The following IL17RD variants were observed in gnomAD, a reference collection of about 807,000 sequenced individuals.
The protein encoded by IL17RD is interleukin 17 receptor D, also known as interleukin-17 receptor D.
In IL17RD, 52 loss-of-function variants were observed where a neutral mutation model predicts 80.5. That is an observed-to-expected ratio of 0.65 (90% CI 0.52 to 0.81). The LOEUF (loss-of-function observed/expected upper bound fraction) is 0.81, where lower values mean the gene tolerates loss of function less well. Among genes scored for constraint, IL17RD ranks in the 40% least tolerant of loss-of-function variants. IL17RD has a pLI of 0.00. For missense variants in IL17RD, 1,024 were observed against 955.1 expected (o/e 1.07, Z -0.95); for synonymous variants, 416 against 391.8 (o/e 1.06, Z -0.73).
chr3:57,165,916 T>A (rs61276053), upstream of IL17RD, among the ~76,000 whole-genome samples: 100,509 of 151,838 alleles, frequency 0.66, 33,624 homozygotes, highest in African/African-American at 0.75. Context: ...TATCCTAGTC[T>A]GGGGAGAGTT....
intron 5 of IL17RD, 92 bp from the exon 6 acceptor site, chr3:57,106,246 C>G: frequency 1.1e-6 from 1 of 888,040 alleles, no homozygotes; most frequent in Non-Finnish European, 1.8e-6. Flanking sequence ...AGATACTGTG[C>G]CGGGTGATGC....
At chr3:57,115,269 T>C (rs768349370) in intron 2 of IL17RD, among the ~76,000 whole-genome samples, 11 of 152,210 alleles carry the variant, frequency 7.2e-5, no homozygotes, top group Admixed American at 1.3e-4. Context: ...GGAAAGGAAC[T>C]AACACTCAGA....
In IL17RD at chr3:57,127,408, ATATAT is replaced by A. The variant is rs201203632; in HGVS notation, c.127-7100_127-7096del. Among the ~76,000 whole-genome samples, 38 of 87,204 alleles carry A rather than the reference ATATAT, an allele frequency of 4.4e-4. 2 individuals are homozygous for A. The highest frequency in any genetic ancestry group is 1.9e-3 in the East Asian group (3 of 1,558). The allele number at this position is 87,204 out of a possible 152,430, so 57.2% of individuals were successfully genotyped here. A position where few individuals can be genotyped will look rare whatever the true frequency, so the allele number is the denominator to read the frequency against. On this transcript the variant is annotated intron_variant, in intron 1 of 12. Transcript: ENST00000296318. ...AATAAATAAATAAATATATATATAT[ATATAT>A]TTTTTTTTTGAGATAAGAGTCTTGC... is the stretch of plus-strand genomic sequence containing the variant.
rs745910085 is a variant in IL17RD, at chr3:57,105,536, C to CAAAAAAAAAAAAAAAAAA, written c.747+320_747+321insTTTTTTTTTTTTTTTTTT. Among the ~76,000 whole-genome samples, 14 of 35,606 alleles carry CAAAAAAAAAAAAAAAAAA rather than the reference C, an allele frequency of 3.9e-4. 2 individuals carry two copies. The highest frequency in any genetic ancestry group is 4.7e-4 in the Non-Finnish European group (8 of 16,930). 23.4% of individuals were successfully genotyped at this position (35,606 alleles called of 152,430 possible). A position where few individuals can be genotyped will look rare whatever the true frequency, so the allele number is the denominator to read the frequency against. On this transcript the variant is annotated intron_variant, in intron 7 of 12. Transcript: ENST00000296318. ...TGGGCAACAGAGCAAGACTCCATCT[C>CAAAAAAAAAAAAAAAAAA]AAAAAAAAAAAAAAAAATATATATA... is the stretch of plus-strand genomic sequence containing the variant.
At chr3:57,124,688 T>A (rs1489484387) in intron 1 of IL17RD, among the ~76,000 whole-genome samples, 1 of 152,194 alleles carries the variant, frequency 6.6e-6, no homozygotes, top group South Asian at 2.1e-4. Context: ...AGAACTATAA[T>A]AAGACAATAA....
intron 10 of IL17RD, 25 bp downstream of exon 10, chr3:57,102,454 G>T: frequency 7.4e-7 from 1 of 1,358,338 alleles, no homozygotes; most frequent in Non-Finnish European, 1.0e-6. Context: ...CTTGTTGTGG[G>T]GAGACACAGC....
At chr3:57,158,710 G>A (rs2060284469) in intron 1 of IL17RD, among the ~76,000 whole-genome samples, 1 of 152,164 alleles carries the variant, frequency 6.6e-6, no homozygotes, top group African/African-American at 2.4e-5. Flanking sequence ...TTAGAAACTA[G>A]TTATTCGTTT....
intron 1 of IL17RD, among the ~76,000 whole-genome samples, chr3:57,148,109 C>T (rs1460038305): frequency 7.5e-5 from 9 of 120,646 alleles, no homozygotes; most frequent in Admixed American, 1.9e-4. Context: ...GGGGGGCGAT[C>T]GCTAGGTCAA....
At chr3:57,147,080 G>A (rs974362251) in intron 1 of IL17RD, among the ~76,000 whole-genome samples, 3 of 148,420 alleles carry the variant, frequency 2.0e-5, no homozygotes, top group East Asian at 2.0e-4. Flanking sequence ...CAGGTGATTC[G>A]TCCACCTTGG....
At chr3:57,122,322 TC>T (rs1707357960) in intron 1 of IL17RD, among the ~76,000 whole-genome samples, 1 of 152,088 alleles carries the variant, frequency 6.6e-6, no homozygotes. Flanking sequence ...AGTACCTCAA[TC>T]CTCCCATCCT....
rs1320025893 is a variant in IL17RD at position 57,097,852 on chromosome 3, G to C, written c.1851C>G (p.Asp617Glu). 1 of 1,613,280 alleles carries C rather than the reference G, an allele frequency of 6.2e-7. No homozygotes were observed. Reference sequence around the variant, plus strand: ...CCCCATGCTGACTCTCGTGCTGGGAGTCGGCTGGTCCGGTTGCCCCAAGAA... The same window carrying C: ...CCCCATGCTGACTCTCGTGCTGGGACTCGGCTGGTCCGGTTGCCCCAAGAA... ...AAVLGATGPADSQHESQHGGL... is the reference protein window; with the variant it reads ...AAVLGATGPAESQHESQHGGL... Residue 617 changes from aspartate to glutamate, a missense_variant, in exon 12 of 13, where the codon GAC becomes GAG. By Grantham distance (45) the Asp-to-Glu change is conservative. Transcript: ENST00000296318.
At chr3:57,151,480 G>C (rs535708075) in intron 1 of IL17RD, among the ~76,000 whole-genome samples, 2 of 152,116 alleles carry the variant, frequency 1.3e-5, no homozygotes, top group Admixed American at 1.3e-4. Context: ...ATATGTCTTG[G>C]AGAGTTTCAT....
At chr3:57,132,977 T>C (rs1373559379) in intron 1 of IL17RD, among the ~76,000 whole-genome samples, 2 of 152,234 alleles carry the variant, frequency 1.3e-5, no homozygotes, top group Non-Finnish European at 2.9e-5. Context: ...TTATAGTATC[T>C]GTGCATGAGC....
chr3:57,109,567 T>C lies in IL17RD; in HGVS notation c.520A>G (p.Asn174Asp). The C allele has an allele frequency of 6.2e-7, 1 of 1,613,856 alleles. No homozygotes were observed. The highest frequency in any genetic ancestry group is 8.5e-7 in the Non-Finnish European group (1 of 1,179,786). The change falls in exon 5 of 13, where the codon AAT becomes GAT. Residue 174 changes from asparagine (N) to aspartate (D), a missense_variant. Physicochemically the swap from Asn to Asp is conservative, Grantham distance 23 (BLOSUM62 1). Transcript: ENST00000296318. ...VPFPSIKNESNYHPFFFRTRA... is the reference protein window; with the variant it reads ...VPFPSIKNESDYHPFFFRTRA... ...GTTCTAAAGAAGAAAGGGTGGTAAT[T>C]GCTTTCGTTTTTAATGGAAGGAAAA...
chr3:57,101,007 G>A (rs1226343378), intron 11 of IL17RD, among the ~76,000 whole-genome samples, 172 bp downstream of exon 11: 1 of 152,190 alleles, frequency 6.6e-6, no homozygotes, highest in African/African-American at 2.4e-5. Context: ...TGCTGGTGAT[G>A]GGTAAGACAG....
chr3:57,144,190 G>C (rs1250265469), intron 1 of IL17RD, among the ~76,000 whole-genome samples: 1 of 152,126 alleles, frequency 6.6e-6, no homozygotes, highest in Non-Finnish European at 1.5e-5. Flanking sequence ...GTGCTTCCAG[G>C]GGGTGTGACC....
At chr3:57,127,263 AATATATATAAAAATATATAT>A (rs1707489846) in intron 1 of IL17RD, among the ~76,000 whole-genome samples, 15 of 91,188 alleles carry the variant, frequency 1.6e-4, no homozygotes, top group African/African-American at 4.0e-4. Flanking sequence ...AATATATATA[AATATATATAAAAATATATAT>A]AAATATATAT....
intron 1 of IL17RD, chr3:57,142,547 G>A (rs147014597): frequency 0.03 from 37,815 of 1,272,276 alleles, 639 homozygotes; most frequent in Admixed American, 0.047. Context: ...CCCCCACTCC[G>A]GCCTCCTGGC....
chr3:57,098,034 G>A lies in IL17RD; in HGVS notation c.1669C>T (p.Pro557Ser), dbSNP rs1419774494. The change falls in exon 12 of 13, where the codon CCC becomes TCC. Residue 557 changes from proline to serine, a missense_variant. Physicochemically the swap from Pro to Ser is moderately conservative, Grantham distance 74 (BLOSUM62 -1). Coordinates refer to ENST00000296318, the MANE Select transcript of IL17RD (RefSeq NM_017563.5). ...CNMHQFIDEE[P>S]DWFEKQFVPF... ...ACGAACTGCTTTTCGAACCAGTCGG[G>A]CTCCTCGTCAATAAACTGGTGCATG... The A allele has an allele frequency of 1.2e-6, 2 of 1,614,024 alleles. No homozygotes were observed. Among genetic ancestry groups the A allele is most frequent in the Admixed American group, 3.3e-5 (2 of 60,026 alleles).
Sources: allele counts gnomAD v4.1 joint callset (sites outside exome capture counted in the v4.1 genomes callset), GRCh38; gene constraint gnomAD v4.1.1; transcripts MANE v1.5; gene names NCBI Gene and HGNC (gene_info 2026-07-23, HGNC 2026-07-21).